SPEM3: variants seen among roughly 807,000 people sequenced by gnomAD.
SPEM3 encodes the protein SPEM family member 3.
Position 7,429,279 on chromosome 17 carries a change from T to C in SPEM3, c.196+32T>C. 5.0e-6 allele frequency: 2 copies of C among 398,560 alleles called. No individual in the cohort carries two copies. The highest frequency in any genetic ancestry group is 8.8e-6 in the Non-Finnish European group (2 of 226,060). 24.7% of individuals were successfully genotyped at this position (398,560 alleles called of 1,614,324 possible). A position where few individuals can be genotyped will look rare whatever the true frequency, so the allele number is the denominator to read the frequency against. ...GGGCCCCTGTATGGGCTCCCAGGGA[T>C]ATGGGCCTGTCCCCTTTCTCCTATC... On this transcript the variant is annotated intron_variant, in intron 2 of 2. Transcript: ENST00000636696. This position sits in a 1 kb window ranked among gnomAD's most constrained non-coding sequence, Gnocchi z 4.9.
rs1240273318 is a variant in SPEM3 at position 7,429,537 on chromosome 17, G to A, written c.366G>A (p.Ala122=). 1.0e-5 allele frequency: 4 copies of A among 398,558 alleles called. No individual in the cohort carries two copies. Among genetic ancestry groups the A allele is most frequent in the East Asian group, 3.6e-5 (1 of 28,086 alleles). The allele number at this position is 398,558 out of a possible 1,614,324, so 24.7% of individuals were successfully genotyped here. Residue 122 remains alanine, a synonymous_variant, in exon 3 of 3, where the codon GCG becomes GCA. Coordinates refer to ENST00000636696, the MANE Select transcript of SPEM3 (RefSeq NM_001364708.1). The surrounding 1 kb of genome is among the most constrained non-coding windows in gnomAD (Gnocchi z 4.9). Reference sequence around the variant, plus strand: ...ACACGAACGATGAGAAGGTTTCTGCGTGCTGCTGCGTGCCCCCTAAATGTG... The same window carrying A: ...ACACGAACGATGAGAAGGTTTCTGCATGCTGCTGCGTGCCCCCTAAATGTG... ...IPDTNDEKVS[A]CCCVPPKCGH...
chr17:7,430,806 T>C lies in SPEM3; in HGVS notation c.1635T>C (p.His545=). ...AGACTTCCCCTTACTGCAGCTTCCA[T>C]CCTTGCAGTTCTGAGAAGAACACAG... The part of the protein sequence containing the change: ...QTKTSPYCSF[H]PCSSEKNTDS... Residue 545 remains histidine (H), a synonymous_variant, in exon 3 of 3, where the codon CAT becomes CAC. Transcript: ENST00000636696. 1 of 398,612 alleles carries C rather than the reference T, an allele frequency of 2.5e-6. No homozygotes were observed. Among genetic ancestry groups the C allele is most frequent in the Non-Finnish European group, 4.4e-6 (1 of 226,090 alleles). The allele number at this position is 398,612 out of a possible 1,614,324, so 24.7% of individuals were successfully genotyped here.
rs73233964 is a variant in SPEM3 at position 7,431,767 on chromosome 17, T to C, written c.2596T>C (p.Ser866Pro). ...CGCAGGCCTTACTGAAGATTCTGGA[T>C]CACAGAAGGGTCCGTATGTTCCCCA... ...STAGLTEDSG[S>P]QKGPYVPQDS... The change falls in exon 3 of 3, where the codon TCA (serine) becomes CCA (proline). Residue 866 changes from serine (S) to proline (P), a missense_variant. Ser to Pro is a moderately conservative substitution (Grantham distance 74). Coordinates refer to ENST00000636696, the MANE Select transcript of SPEM3 (RefSeq NM_001364708.1). 3,008 of 398,598 alleles carry C rather than the reference T, an allele frequency of 7.5e-3. 76 individuals are homozygous for C. The highest frequency in any genetic ancestry group is 0.056 in the African/African-American group (2,735 of 48,720). The allele number at this position is 398,598 out of a possible 1,614,324, so 24.7% of individuals were successfully genotyped here.
Position 7,431,338 on chromosome 17 carries a change from C to T in SPEM3, c.2167C>T (p.His723Tyr), listed in dbSNP as rs1194348810. The T allele has an allele frequency of 7.5e-6, 3 of 398,472 alleles. No homozygotes were observed. Among genetic ancestry groups the T allele is most frequent in the Admixed American group, 4.4e-5 (1 of 22,720 alleles). 24.7% of individuals were successfully genotyped at this position (398,472 alleles called of 1,614,324 possible). The change falls in exon 3 of 3, where the codon CAT (histidine) becomes TAT (tyrosine). Residue 723 changes from histidine (H) to tyrosine (Y), a missense_variant. Transcript: ENST00000636696. ...AGGTCTTGCTCCAAATCAAGGCCTA[C>T]ATGAGTTCCCAGGCCTTCCCCAAGA... ...NPGLAPNQGL[H>Y]EFPGLPQDSY...
rs1907821402 is a variant in SPEM3, at chr17:7,431,187, T to G, written c.2016T>G (p.Ser672=). 5.0e-6 allele frequency: 2 copies of G among 398,462 alleles called. No homozygotes were observed. The allele number at this position is 398,462 out of a possible 1,614,324, so 24.7% of individuals were successfully genotyped here. The change falls in exon 3 of 3, where the codon TCT becomes TCG. Residue 672 remains serine, a synonymous_variant. Coordinates refer to ENST00000636696, the MANE Select transcript of SPEM3 (RefSeq NM_001364708.1). ...AGAGTCTAGGCCTTACCCAAGATTC[T>G]GGCCTTCAAAGGACCCCAGGCCCTT... ...CHESLGLTQD[S]GLQRTPGPSK...
Position 7,431,057 on chromosome 17 carries a change from C to A in SPEM3, c.1886C>A (p.Thr629Asn). Residue 629 changes from threonine (T) to asparagine (N), a missense_variant, in exon 3 of 3, where the codon ACC (threonine) becomes AAC (asparagine). Thr to Asn is a moderately conservative substitution (Grantham distance 65). Coordinates refer to ENST00000636696, the MANE Select transcript of SPEM3 (RefSeq NM_001364708.1). ...TLIQTPTVLP[T>N]SKSPQSILTS... ...ATACAAACCCCTACTGTTCTTCCAA[C>A]CTCCAAGTCTCCTCAGTCCATCCTC... The A allele has an allele frequency of 2.5e-6, 1 of 398,802 alleles. No individual in the cohort carries two copies. The highest frequency in any genetic ancestry group is 4.4e-6 in the Non-Finnish European group (1 of 226,198). The allele number at this position is 398,802 out of a possible 1,614,324, so 24.7% of individuals were successfully genotyped here. A position where few individuals can be genotyped will look rare whatever the true frequency, so the allele number is the denominator to read the frequency against.
chr17:7,430,091 A>G lies in SPEM3; in HGVS notation c.920A>G (p.His307Arg). The stretch of plus-strand genomic sequence containing the variant: ...CATACGTCAGCCCAGGCCCAAACCC[A>G]CTCTCCGCCCCACACCCCTGAGTAT... ...KAHTSAQAQT[H>R]SPPHTPEYTH... The change falls in exon 3 of 3, where the codon CAC becomes CGC. Residue 307 changes from histidine to arginine, a missense_variant. His to Arg is a conservative substitution (Grantham distance 29). Coordinates refer to ENST00000636696, the MANE Select transcript of SPEM3 (RefSeq NM_001364708.1). 1 of 400,340 alleles carries G rather than the reference A, an allele frequency of 2.5e-6. No homozygotes were observed. Among genetic ancestry groups the G allele is most frequent in the South Asian group, 9.2e-5 (1 of 10,882 alleles). 24.8% of individuals were successfully genotyped at this position (400,340 alleles called of 1,614,324 possible).
Position 7,429,174 on chromosome 17 carries a change from C to T in SPEM3, c.139-16C>T. The T allele has an allele frequency of 2.5e-6, 1 of 398,544 alleles. No homozygotes were observed. The highest frequency in any genetic ancestry group is 4.4e-6 in the Non-Finnish European group (1 of 226,082). The allele number at this position is 398,544 out of a possible 1,614,324, so 24.7% of individuals were successfully genotyped here. On this transcript the variant is annotated splice_polypyrimidine_tract_variant and intron_variant, in intron 1 of 2. Transcript: ENST00000636696. The surrounding 1 kb of genome is among the most constrained non-coding windows in gnomAD (Gnocchi z 4.9). Reference sequence around the variant, plus strand: ...CACCCTGCTTCCGGACTCACCTGCCCTCCCACTCCCTTCAGCTCTGGAAGC... The same window carrying T: ...CACCCTGCTTCCGGACTCACCTGCCTTCCCACTCCCTTCAGCTCTGGAAGC...
Position 7,429,016 on chromosome 17 carries a change from C to T in SPEM3, c.114C>T (p.Asn38=), listed in dbSNP as rs770940352. The T allele has an allele frequency of 3.3e-5, 13 of 398,970 alleles. No homozygotes were observed. Among genetic ancestry groups the T allele is most frequent in the Middle Eastern group, 6.2e-4 (1 of 1,616 alleles). The allele number at this position is 398,970 out of a possible 1,614,324, so 24.7% of individuals were successfully genotyped here. A position where few individuals can be genotyped will look rare whatever the true frequency, so the allele number is the denominator to read the frequency against. The change falls in exon 1 of 3, where the codon AAC becomes AAT. Residue 38 remains asparagine (N), a synonymous_variant. Coordinates refer to ENST00000636696, the MANE Select transcript of SPEM3 (RefSeq NM_001364708.1). The surrounding 1 kb of genome is among the most constrained non-coding windows in gnomAD (Gnocchi z 4.9). The part of the protein sequence containing the change: ...LLLLGSFILL[N]VWINVVTLLW... ...TTCTGGGCAGCTTCATCTTGCTCAA[C>T]GTGTGGATCAATGTGGTGACTCTGG...
chr17:7,430,421 T>A lies in SPEM3; in HGVS notation c.1250T>A (p.Val417Asp), dbSNP rs763920790. 6 of 404,366 alleles carry A rather than the reference T, an allele frequency of 1.5e-5. No homozygotes were observed. Among genetic ancestry groups the A allele is most frequent in the Non-Finnish European group, 2.6e-5 (6 of 229,984 alleles). 25.0% of individuals were successfully genotyped at this position (404,366 alleles called of 1,614,324 possible). A position where few individuals can be genotyped will look rare whatever the true frequency, so the allele number is the denominator to read the frequency against. ...ALVMALTTTP[V>D]PDPVPATTPA... ...GTCATGGCCCTGACTACCACTCCTG[T>A]CCCTGATCCTGTCCCTGCCACCACC... The change falls in exon 3 of 3, where the codon GTC becomes GAC. Residue 417 changes from valine (V) to aspartate (D), a missense_variant. By Grantham distance (152) the Val-to-Asp change is radical. Coordinates refer to ENST00000636696, the MANE Select transcript of SPEM3 (RefSeq NM_001364708.1).
In SPEM3 at chr17:7,430,873, C is replaced by T. The variant is rs193004353; in HGVS notation, c.1702C>T (p.Arg568Trp). The T allele has an allele frequency of 1.3e-4, 51 of 398,686 alleles. No individual in the cohort carries two copies. The Middle Eastern group carries it at 1.9e-3, about 15-fold the overall frequency. 24.7% of individuals were successfully genotyped at this position (398,686 alleles called of 1,614,324 possible). Residue 568 changes from arginine (R) to tryptophan (W), a missense_variant, in exon 3 of 3, where the codon CGG becomes TGG. By Grantham distance (101) the Arg-to-Trp change is moderately radical. Transcript: ENST00000636696. ...PFYPKFLAYS[R>W]DTACAKTCFH... Reference sequence around the variant, plus strand: ...CTACCCCAAATTCCTTGCCTACTCCCGGGATACTGCATGTGCCAAGACTTG... The same window carrying T: ...CTACCCCAAATTCCTTGCCTACTCCTGGGATACTGCATGTGCCAAGACTTG...
chr17:7,432,508 G>C lies in SPEM3; in HGVS notation c.3337G>C (p.Gly1113Arg). The change falls in exon 3 of 3, where the codon GGG (glycine) becomes CGG (arginine). Residue 1113 changes from glycine (G) to arginine (R), a missense_variant. Transcript: ENST00000636696. This position sits in a 1 kb window ranked among gnomAD's most constrained non-coding sequence, Gnocchi z 4.1. ...CTCCTGGCGGGCAGGCAGCCAGCAC[G>C]GGGCGTACCGCCCTGTGGATACAGT... Reference protein sequence around the residue: ...SSSWRAGSQHGAYRPVDTVPS... With the variant: ...SSSWRAGSQHRAYRPVDTVPS... 2.5e-6 allele frequency: 1 copy of C among 398,718 alleles called. No individual in the cohort carries two copies. Among genetic ancestry groups the C allele is most frequent in the Non-Finnish European group, 4.4e-6 (1 of 226,120 alleles). 24.7% of individuals were successfully genotyped at this position (398,718 alleles called of 1,614,324 possible).
In SPEM3 at chr17:7,431,563, T is replaced by A. The variant is rs1907834119; in HGVS notation, c.2392T>A (p.Ser798Thr). The change falls in exon 3 of 3, where the codon TCA becomes ACA. Residue 798 changes from serine (S) to threonine (T), a missense_variant. Physicochemically the swap from Ser to Thr is moderately conservative, Grantham distance 58 (BLOSUM62 1). Transcript: ENST00000636696. ...FTQTSDLQRS[S>T]GFTQDSGIYR... ...CCAAACTTCTGATCTTCAGAGGAGC[T>A]CAGGCTTTACACAAGACTCTGGAAT... The A allele has an allele frequency of 2.5e-6, 1 of 398,448 alleles. No individual in the cohort carries two copies. Among genetic ancestry groups the A allele is most frequent in the South Asian group, 1.3e-4 (1 of 7,856 alleles). 24.7% of individuals were successfully genotyped at this position (398,448 alleles called of 1,614,324 possible).
At position 7,429,820 on chromosome 17, in the gene SPEM3, A is replaced by G; in HGVS notation, c.649A>G (p.Thr217Ala). The G allele has an allele frequency of 2.5e-6, 1 of 397,744 alleles. No homozygotes were observed. The highest frequency in any genetic ancestry group is 4.4e-6 in the Non-Finnish European group (1 of 226,706). 24.6% of individuals were successfully genotyped at this position (397,744 alleles called of 1,614,324 possible). Residue 217 changes from threonine (T) to alanine (A), a missense_variant, in exon 3 of 3, where the codon ACT (threonine) becomes GCT (alanine). By Grantham distance (58) the Thr-to-Ala change is moderately conservative (BLOSUM62 0). Transcript: ENST00000636696. The surrounding 1 kb of genome is among the most constrained non-coding windows in gnomAD (Gnocchi z 4.9). Reference protein sequence around the residue: ...AQAQVHSPTHTPVCTPTHPWT... With the variant: ...AQAQVHSPTHAPVCTPTHPWT... ...GGCCCAGGTCCACTCCCCAACCCAC[A>G]CTCCTGTGTGCACCCCAACCCACCC...
At position 7,430,046 on chromosome 17, in the gene SPEM3, C is replaced by A; in HGVS notation, c.875C>A (p.Ala292Asp). The A allele has an allele frequency of 2.4e-6, 1 of 413,926 alleles. No individual in the cohort carries two copies. Among genetic ancestry groups the A allele is most frequent in the Non-Finnish European group, 4.2e-6 (1 of 235,426 alleles). 25.6% of individuals were successfully genotyped at this position (413,926 alleles called of 1,614,324 possible). ...ACCCCAGCCCCTACACCGGCCAAGG[C>A]CTCAGCTCACACTAAAGCCCATACG... ...AHTPAPTPAK[A>D]SAHTKAHTSA... Residue 292 changes from alanine (A) to aspartate (D), a missense_variant, in exon 3 of 3, where the codon GCC becomes GAC. By Grantham distance (126) the Ala-to-Asp change is moderately radical. Transcript: ENST00000636696.
In SPEM3 at chr17:7,430,938, C is replaced by G. The variant is rs915387978; in HGVS notation, c.1767C>G (p.Thr589=). 1 of 398,722 alleles carries G rather than the reference C, an allele frequency of 2.5e-6. No homozygotes were observed. Among genetic ancestry groups the G allele is most frequent in the Non-Finnish European group, 4.4e-6 (1 of 226,182 alleles). 24.7% of individuals were successfully genotyped at this position (398,722 alleles called of 1,614,324 possible). A position where few individuals can be genotyped will look rare whatever the true frequency, so the allele number is the denominator to read the frequency against. The change falls in exon 3 of 3, where the codon ACC becomes ACG. Residue 589 remains threonine, a synonymous_variant. Coordinates refer to ENST00000636696, the MANE Select transcript of SPEM3 (RefSeq NM_001364708.1). The part of the protein sequence containing the change: ...SATTAQSSVC[T]LPPPFTLSLP... ...CCACTGCCCAGAGCTCAGTGTGCAC[C>G]CTTCCTCCACCGTTCACTCTTTCCC...
chr17:7,429,600 G>A lies in SPEM3; in HGVS notation c.429G>A (p.Leu143=), dbSNP rs528000439. ...AGVPRESARG[L]YKAGMMGGGE... ...TTCCCAGGGAGTCTGCACGGGGACTGTACAAGGCGGGGATGATGGGCGGGG... is the reference window on the plus strand; with the variant it reads ...TTCCCAGGGAGTCTGCACGGGGACTATACAAGGCGGGGATGATGGGCGGGG... The change falls in exon 3 of 3, where the codon CTG becomes CTA. Residue 143 remains leucine (L), a synonymous_variant. Transcript: ENST00000636696. The surrounding 1 kb of genome is among the most constrained non-coding windows in gnomAD (Gnocchi z 4.9). 1.1e-3 allele frequency: 447 copies of A among 398,726 alleles called. 1 individual carries two copies. Among genetic ancestry groups the A allele is most frequent in the Non-Finnish European group, 1.7e-3 (382 of 226,282 alleles). 24.7% of individuals were successfully genotyped at this position (398,726 alleles called of 1,614,324 possible).
chr17:7,429,970 C>T lies in SPEM3; in HGVS notation c.799C>T (p.His267Tyr). The T allele has an allele frequency of 2.4e-6, 1 of 424,688 alleles. No individual in the cohort carries two copies. Among genetic ancestry groups the T allele is most frequent in the Non-Finnish European group, 4.1e-6 (1 of 242,508 alleles). The allele number at this position is 424,688 out of a possible 1,614,324, so 26.3% of individuals were successfully genotyped here. A position where few individuals can be genotyped will look rare whatever the true frequency, so the allele number is the denominator to read the frequency against. ...GGACACCTCAGCCCAGGCCCAAGCC[C>T]ACACCTCAGCCCCTACCCCAGCTCA... ...AQDTSAQAQAHTSAPTPAQTP... is the reference protein window; with the variant it reads ...AQDTSAQAQAYTSAPTPAQTP... Residue 267 changes from histidine (H) to tyrosine (Y), a missense_variant, in exon 3 of 3, where the codon CAC (histidine) becomes TAC (tyrosine). By Grantham distance (83) the His-to-Tyr change is moderately conservative. Coordinates refer to ENST00000636696, the MANE Select transcript of SPEM3 (RefSeq NM_001364708.1). The surrounding 1 kb of genome is among the most constrained non-coding windows in gnomAD (Gnocchi z 4.9).
At position 7,429,239 on chromosome 17, in the gene SPEM3, TC is replaced by T; in HGVS notation, c.192del (p.Asp66ThrfsTer83). On this transcript the variant is annotated frameshift_variant, in exon 2 of 3. Coordinates refer to ENST00000636696, the MANE Select transcript of SPEM3 (RefSeq NM_001364708.1). LOFTEE classifies it low-confidence loss of function (END_TRUNC). This position sits in a 1 kb window ranked among gnomAD's most constrained non-coding sequence, Gnocchi z 4.9. ...SSLRILFRHF[F>X]PKDKQPSGSH... ...TTGCGGATTCTTTTCCGTCATTTTT[TC>T]CCCAAAGGTGAGTGGGCCCCTGTAT... The T allele has an allele frequency of 2.5e-6, 1 of 398,548 alleles. No individual in the cohort carries two copies. Among genetic ancestry groups the T allele is most frequent in the Non-Finnish European group, 4.4e-6 (1 of 226,042 alleles). 24.7% of individuals were successfully genotyped at this position (398,548 alleles called of 1,614,324 possible).
Sources: gnomAD v4.1 joint callset for allele counts on GRCh38, gnomAD v4.1.1 for gene constraint, Gnocchi (gnomAD v3.1) non-coding constraint, MANE v1.5 for transcripts, NCBI Gene and HGNC (gene_info 2026-07-23, HGNC 2026-07-21) for gene names.